The following GRM8 variants were observed in gnomAD, a reference collection of about 807,000 sequenced individuals.
The protein encoded by GRM8 is metabotropic glutamate receptor 8.
In GRM8, 47 loss-of-function variants were observed where a neutral mutation model predicts 87.2. That is an observed-to-expected ratio of 0.54 (90% CI 0.43 to 0.69). The LOEUF is 0.69. GRM8 is among the 30% of genes least tolerant of loss of function. The pLI is 0.00. For synonymous variants in GRM8, 396 were observed against 404.5 expected, an observed-to-expected ratio of 0.98 and a Z score of 0.25; for missense variants, 1,019 against 1,139.2, an observed-to-expected ratio of 0.89 and a Z score of 1.52.
chr7:126,960,787 T>C (rs951477297), intron 3 of GRM8, among the ~76,000 whole-genome samples: 2 of 152,234 alleles, frequency 1.3e-5, no homozygotes, highest in African/African-American at 4.8e-5. Flanking sequence ...ATCCAGGCTA[T>C]TCCTGTTTTG....
chr7:126,973,033 G>A (rs1051963979), intron 3 of GRM8, among the ~76,000 whole-genome samples: 2 of 152,138 alleles, frequency 1.3e-5, no homozygotes, highest in African/African-American at 4.8e-5. Flanking sequence ...AACTTTATTA[G>A]GTCCTATCTT....
intron 10 of GRM8, among the ~76,000 whole-genome samples, chr7:126,440,724 T>G (rs2150443027): frequency 6.6e-6 from 1 of 152,202 alleles, no homozygotes; most frequent in African/African-American, 2.4e-5. Flanking sequence ...CCTGGGTGTG[T>G]CGTAGGCTAT....
chr7:127,048,642 C>T (rs1034956195), intron 3 of GRM8, among the ~76,000 whole-genome samples: 1 of 152,182 alleles, frequency 6.6e-6, no homozygotes, highest in African/African-American at 2.4e-5. Context: ...GTTTAAATAA[C>T]TTGCCAAGTC....
chr7:127,221,965 C>G (rs1434956987), intron 2 of GRM8, among the ~76,000 whole-genome samples: 1 of 152,222 alleles, frequency 6.6e-6, no homozygotes, highest in Non-Finnish European at 1.5e-5. Context: ...AGTGAATCAT[C>G]AAGCTGAGGT....
At chr7:126,714,822 A>ATG (rs988702469) in intron 7 of GRM8, among the ~76,000 whole-genome samples, 22 of 151,882 alleles carry the variant, frequency 1.4e-4, no homozygotes, top group Admixed American at 2.7e-4. Flanking sequence ...TATGATATAT[A>ATG]TGTGTATATA....
intron 2 of GRM8, among the ~76,000 whole-genome samples, chr7:127,235,516 G>C (rs1437389886): frequency 6.6e-6 from 1 of 152,260 alleles, no homozygotes; most frequent in South Asian, 2.1e-4. Context: ...TGAGGCTCTA[G>C]CATTGTTTCA....
At chr7:127,002,627 T>G (rs565871928) in intron 3 of GRM8, among the ~76,000 whole-genome samples, 1 of 151,740 alleles carries the variant, frequency 6.6e-6, no homozygotes. Context: ...AATAAGATTT[T>G]GTGCATTTTT....
At chr7:126,974,280 C>A (rs546427462) in intron 3 of GRM8, among the ~76,000 whole-genome samples, 4 of 152,036 alleles carry the variant, frequency 2.6e-5, no homozygotes, top group Non-Finnish European at 5.9e-5. Context: ...AGATACACAA[C>A]CTGTAGTTAA....
intron 3 of GRM8, among the ~76,000 whole-genome samples, chr7:126,916,805 C>T (rs879608270): frequency 5.3e-5 from 8 of 152,106 alleles, no homozygotes; most frequent in Non-Finnish European, 1.0e-4. Flanking sequence ...ACGGCAGTAA[C>T]CAAACTAGGA....
chr7:126,629,317 A>G (rs189830799), intron 7 of GRM8, among the ~76,000 whole-genome samples: 1 of 152,320 alleles, frequency 6.6e-6, no homozygotes, highest in East Asian at 1.9e-4. Context: ...TACATTTTTA[A>G]GCCAAAAAGC....
At chr7:127,190,911 C>CA (rs1269096731) in intron 2 of GRM8, among the ~76,000 whole-genome samples, 1 of 151,984 alleles carries the variant, frequency 6.6e-6, no homozygotes, top group Non-Finnish European at 1.5e-5. Context: ...ATTCTTTAGT[C>CA]AAATGGTCTG....
chr7:126,702,458 T>C (rs1454000123), intron 7 of GRM8, among the ~76,000 whole-genome samples: 4 of 152,200 alleles, frequency 2.6e-5, no homozygotes, highest in African/African-American at 9.6e-5. Context: ...GATATACTCA[T>C]GCGAAGCACT....
At chr7:126,771,978 C>A (rs567034547) in intron 6 of GRM8, among the ~76,000 whole-genome samples, 40 of 152,226 alleles carry the variant, frequency 2.6e-4, no homozygotes, top group Middle Eastern at 3.4e-3. Flanking sequence ...AGTCTTAGAA[C>A]AACACTGCTT....
chr7:126,671,390 T>C (rs1421061629), intron 7 of GRM8, among the ~76,000 whole-genome samples: 1 of 152,232 alleles, frequency 6.6e-6, no homozygotes. Context: ...TGCTGCACTT[T>C]ATGCAAATAA....
intron 2 of GRM8, among the ~76,000 whole-genome samples, chr7:127,234,671 G>A (rs17869427): frequency 0.013 from 2,039 of 152,276 alleles, 50 homozygotes; most frequent in African/African-American, 0.046. Flanking sequence ...GCAGTTCTCA[G>A]ACCCCACCCC....
chr7:127,019,639 C>A (rs766399576), intron 3 of GRM8, among the ~76,000 whole-genome samples: 1 of 152,028 alleles, frequency 6.6e-6, no homozygotes, highest in Non-Finnish European at 1.5e-5. Context: ...ATTACAAACA[C>A]CAAGAATCAT....
Position 127,135,448 on chromosome 7 carries a change from T to G in GRM8, c.511-28736A>C, listed in dbSNP as rs1456145694. Among the ~76,000 whole-genome samples the G allele has an allele frequency of 3.3e-5, 5 of 152,002 alleles. No homozygotes were observed. The East Asian group carries it at 9.6e-4, about 29-fold the overall frequency. On this transcript the variant is annotated intron_variant, in intron 2 of 10. Transcript: ENST00000339582. ...AATATTTATAATAAAGACATTTTAC[T>G]AATTCCAACTGATCTTTCCCCACCT...
intron 8 of GRM8, among the ~76,000 whole-genome samples, chr7:126,566,166 A>C (rs1794198994): frequency 6.6e-6 from 1 of 152,214 alleles, no homozygotes; most frequent in Non-Finnish European, 1.5e-5. Flanking sequence ...TTGGCGAAGA[A>C]AACAAAAATA....
intron 9 of GRM8, among the ~76,000 whole-genome samples, chr7:126,475,632 G>A (rs982360577): frequency 3.9e-5 from 6 of 151,950 alleles, no homozygotes; most frequent in African/African-American, 7.3e-5. Context: ...AAAATTGTAC[G>A]GAACCACAGT....
Sources: gnomAD v4.1 joint callset for allele counts (sites outside exome capture counted in the v4.1 genomes callset) on GRCh38, gnomAD v4.1.1 for gene constraint, MANE v1.5 for transcripts, NCBI Gene and HGNC (gene_info 2026-07-23, HGNC 2026-07-21) for gene names.